ZFYVE16: variants seen among roughly 807,000 people sequenced by gnomAD.
ZFYVE16 encodes the protein zinc finger FYVE domain-containing protein 16.
In ZFYVE16, 89 loss-of-function variants were observed where a neutral mutation model predicts 138.1. That is an observed-to-expected ratio of 0.64 (90% CI 0.54 to 0.77). The LOEUF is 0.77. ZFYVE16 is among the 30% of genes least tolerant of loss of function. The pLI is 0.00. For synonymous variants in ZFYVE16, 596 were observed against 618.3 expected, an observed-to-expected ratio of 0.96 and a Z score of 0.53; for missense variants, 1,793 against 1,786.7, an observed-to-expected ratio of 1.00 and a Z score of -0.06.
intron 14 of ZFYVE16, among the ~76,000 whole-genome samples, chr5:80,458,469 CAT>C (rs1439973858): frequency 6.6e-6 from 1 of 152,124 alleles, no homozygotes; most frequent in African/African-American, 2.4e-5. Context: ...ATAGACAAGT[CAT>C]AATATTTGCT....
At chr5:80,441,458 CATTA>C (rs1750702557) in intron 5 of ZFYVE16, 1 of 985,208 alleles carries the variant, frequency 1.0e-6, no homozygotes, top group Non-Finnish European at 1.2e-6. Context: ...TGCTATTTGT[CATTA>C]ATTCATATGC....
intron 1 of ZFYVE16, among the ~76,000 whole-genome samples, chr5:80,423,668 T>C (rs191557398): frequency 5.3e-5 from 8 of 152,208 alleles, no homozygotes; most frequent in South Asian, 2.1e-4. Flanking sequence ...CCCAGGTAGC[T>C]GGGACTACGG....
rs1751520500 is a variant in ZFYVE16 at position 80,447,609 on chromosome 5, C to G, written c.2725-417C>G. On this transcript the variant is annotated intron_variant, in intron 7 of 18. Transcript: ENST00000505560. ...ATATAGCTAACGCACTGCTTCCTAA[C>G]CACTCCCCTCCCCTTCTTCCTGCCT... Among the ~76,000 whole-genome samples the G allele has an allele frequency of 1.3e-5, 2 of 152,168 alleles. 1 individual carries two copies. The highest frequency in any genetic ancestry group is 4.1e-4 in the South Asian group (2 of 4,836).
At chr5:80,454,091 T>C (rs1656369641) in intron 11 of ZFYVE16, 1 of 152,230 alleles carries the variant, frequency 6.6e-6, no homozygotes, top group Non-Finnish European at 1.5e-5. Context: ...TGTATTTTTT[T>C]CAAATCTAGA....
intron 1 of ZFYVE16, among the ~76,000 whole-genome samples, 171 bp downstream of exon 1, chr5:80,408,324 C>T (rs1345535731): frequency 6.6e-6 from 1 of 152,234 alleles, no homozygotes; most frequent in African/African-American, 2.4e-5. Context: ...CGGAGCTGGC[C>T]GGGGAACCCT....
intron 11 of ZFYVE16, 142 bp from the exon 12 acceptor site, chr5:80,455,550 T>A (rs888568123): frequency 2.0e-5 from 14 of 697,794 alleles, no homozygotes; most frequent in African/African-American, 1.9e-4. Flanking sequence ...AAAAAAAAAA[T>A]TATCTCTCAC....
At chr5:80,463,182 C>T (rs528120369) in intron 15 of ZFYVE16, among the ~76,000 whole-genome samples, 101 of 152,364 alleles carry the variant, frequency 6.6e-4, no homozygotes, top group African/African-American at 2.4e-3. Flanking sequence ...CCCTTCTGCA[C>T]TGCCCTAGCA....
At chr5:80,465,982 A>G (rs370951102) in intron 15 of ZFYVE16, among the ~76,000 whole-genome samples, 10 of 151,522 alleles carry the variant, frequency 6.6e-5, no homozygotes, top group South Asian at 2.1e-4. Flanking sequence ...CTTGAGTGCA[A>G]TGGCGTGATC....
Position 80,438,078 on chromosome 5 carries a change from G to A in ZFYVE16, c.1393G>A (p.Ala465Thr). The stretch of plus-strand genomic sequence containing the variant: ...AGATCCTGACCAGACAGTAATCAGA[G>A]CTGAGTCTTTGGATGGTGGTGACAC... ...KIDPDQTVIRAESLDGGDTSS... is the reference protein window; with the variant it reads ...KIDPDQTVIRTESLDGGDTSS... The change falls in exon 4 of 19, where the codon GCT becomes ACT. Residue 465 changes from alanine (A) to threonine (T), a missense_variant. By Grantham distance (58) the Ala-to-Thr change is moderately conservative. Transcript: ENST00000505560. 1.2e-6 allele frequency: 2 copies of A among 1,614,084 alleles called. No individual in the cohort carries two copies. Among genetic ancestry groups the A allele is most frequent in the Non-Finnish European group, 1.7e-6 (2 of 1,179,974 alleles).
At chr5:80,455,816 A>G (rs367960669) in intron 12 of ZFYVE16, 42 bp downstream of exon 12, 1 of 1,474,606 alleles carries the variant, frequency 6.8e-7, no homozygotes. Context: ...TTATACTGTT[A>G]CTTTAAAACT....
At chr5:80,416,481 C>G (rs576693868) in intron 1 of ZFYVE16, among the ~76,000 whole-genome samples, 2 of 151,274 alleles carry the variant, frequency 1.3e-5, no homozygotes, top group East Asian at 2.0e-4. Flanking sequence ...GTCTCGATCT[C>G]TTGACCTCAG....
rs180937304 is a variant in ZFYVE16, at chr5:80,413,385, C to T, written c.-94+5232C>T. Among the ~76,000 whole-genome samples, 277 of 150,356 alleles carry T rather than the reference C, an allele frequency of 1.8e-3. 1 individual carries two copies. The highest frequency in any genetic ancestry group is 6.4e-3 in the African/African-American group (264 of 41,080). ...ACTTGGGAGGCTGAGGCAGGAGAATCGCTTGAACCTGGGAGGCGGAGGTTG... is the reference window on the plus strand; with the variant it reads ...ACTTGGGAGGCTGAGGCAGGAGAATTGCTTGAACCTGGGAGGCGGAGGTTG... On this transcript the variant is annotated intron_variant, in intron 1 of 18. Coordinates refer to ENST00000505560, the MANE Select transcript of ZFYVE16 (RefSeq NM_001284236.3).
chr5:80,462,111 T>C (rs1753185050), intron 15 of ZFYVE16, among the ~76,000 whole-genome samples: 1 of 152,308 alleles, frequency 6.6e-6, no homozygotes, highest in South Asian at 2.1e-4. Flanking sequence ...ACATACGAAT[T>C]CTGGGGAAAC....
chr5:80,450,159 A>G (rs1751827854), intron 9 of ZFYVE16, among the ~76,000 whole-genome samples: 1 of 152,204 alleles, frequency 6.6e-6, no homozygotes, highest in African/African-American at 2.4e-5. Context: ...TGTATCTGTC[A>G]GCTTTTCATT....
chr5:80,437,455 A>C lies in ZFYVE16; in HGVS notation c.770A>C (p.His257Pro). The C allele has an allele frequency of 1.9e-6, 3 of 1,602,694 alleles. No individual in the cohort carries two copies. The highest frequency in any genetic ancestry group is 2.6e-6 in the Non-Finnish European group (3 of 1,175,100). ...ALTRQSSKMF[H>P]AKDKLQHKSQ... The stretch of plus-strand genomic sequence containing the variant: ...ACTCGACAAAGTTCCAAAATGTTTC[A>C]TGCCAAAGACAAGCTACAACACAAG... The change falls in exon 4 of 19, where the codon CAT (histidine) becomes CCT (proline). Residue 257 changes from histidine (H) to proline (P), a missense_variant. His to Pro is a moderately conservative substitution (Grantham distance 77, BLOSUM62 -2). Transcript: ENST00000505560.
chr5:80,460,906 T>C (rs1476764849), intron 15 of ZFYVE16, among the ~76,000 whole-genome samples: 1 of 152,240 alleles, frequency 6.6e-6, no homozygotes, highest in East Asian at 1.9e-4. Context: ...CACCTTTGAC[T>C]ATTATCAATT....
intron 5 of ZFYVE16, chr5:80,441,683 A>ACG: frequency 1.2e-6 from 1 of 867,164 alleles, no homozygotes; most frequent in South Asian, 5.6e-5. Context: ...TCAAGGAAGC[A>ACG]CACGTGAATA....
intron 18 of ZFYVE16, among the ~76,000 whole-genome samples, chr5:80,475,139 G>T (rs1053334565): frequency 3.9e-5 from 6 of 152,182 alleles, no homozygotes; most frequent in African/African-American, 1.4e-4. Flanking sequence ...GTGTGGCTAT[G>T]TTCCAGTGAA....
chr5:80,464,439 C>T (rs1487899986), intron 15 of ZFYVE16, among the ~76,000 whole-genome samples: 1 of 152,118 alleles, frequency 6.6e-6, no homozygotes, highest in Non-Finnish European at 1.5e-5. Flanking sequence ...AAACTGCCCC[C>T]ATGATTCAGT....
Sources: gnomAD v4.1 joint callset for allele counts (sites outside exome capture counted in the v4.1 genomes callset) on GRCh38, gnomAD v4.1.1 for gene constraint, MANE v1.5 for transcripts, NCBI Gene and HGNC (gene_info 2026-07-23, HGNC 2026-07-21) for gene names.